Variants in ANO1 observed in about 807,000 individuals in gnomAD.
ANO1 encodes anoctamin-1.
Under a neutral mutation model 124.0 loss-of-function variants are expected in ANO1, and 59 were observed. That is an observed-to-expected ratio of 0.48 (90% confidence interval 0.39 to 0.59). The LOEUF is 0.59. ANO1 is among the 20% of genes least tolerant of loss of function. The pLI, the probability that ANO1 is intolerant of heterozygous loss-of-function variation, is 0.00. For missense variants in ANO1, 1,059 were observed against 1,328.0 expected, an observed-to-expected ratio of 0.80 and a Z score of 3.15; for synonymous variants, 529 against 532.0, an observed-to-expected ratio of 0.99 and a Z score of 0.08.
intron 12 of ANO1, among the ~76,000 whole-genome samples, chr11:70,150,157 C>T (rs1490741110): frequency 1.3e-5 from 2 of 152,186 alleles, no homozygotes; most frequent in East Asian, 1.9e-4. Context: ...AGGAAATGGA[C>T]ACTGCCCATG....
upstream of ANO1, among the ~76,000 whole-genome samples, chr11:69,981,945 G>T (rs1855963351): frequency 6.6e-6 from 1 of 152,182 alleles, no homozygotes; most frequent in South Asian, 2.1e-4. Flanking sequence ...ACCATGTAAT[G>T]TATGATTCCA....
At chr11:70,158,534 G>A (rs978770610) in intron 16 of ANO1, among the ~76,000 whole-genome samples, 2 of 152,264 alleles carry the variant, frequency 1.3e-5, no homozygotes, top group African/African-American at 4.8e-5. Flanking sequence ...AGAGGTGGTG[G>A]CTGTGGTCAC....
At chr11:70,017,482 C>A (rs1386168370) in intron 1 of ANO1, among the ~76,000 whole-genome samples, 1 of 150,284 alleles carries the variant, frequency 6.7e-6, no homozygotes, top group Non-Finnish European at 1.5e-5. Flanking sequence ...TCCCTCCCTC[C>A]CTTCCTCCTT....
chr11:70,005,789 C>A (rs570020479), intron 1 of ANO1, among the ~76,000 whole-genome samples: 1 of 152,230 alleles, frequency 6.6e-6, no homozygotes, highest in East Asian at 1.9e-4. Context: ...TCTCGACCAC[C>A]AAAGCTGTGG....
chr11:70,118,258 C>T (rs952548010), intron 8 of ANO1, among the ~76,000 whole-genome samples: 35 of 151,254 alleles, frequency 2.3e-4, no homozygotes, highest in Admixed American at 2.3e-3. Flanking sequence ...CTCAGGATTG[C>T]TTGGCTGATG....
At chr11:70,158,853 T>A (rs1157689638) in intron 16 of ANO1, among the ~76,000 whole-genome samples, 1 of 9,234 alleles carries the variant, frequency 1.1e-4, no homozygotes, top group Non-Finnish European at 3.4e-4. Flanking sequence ...CGGTGGGGGC[T>A]GGGGGCTGGG....
chr11:70,081,892 A>G (rs2044212875), intron 1 of ANO1, among the ~76,000 whole-genome samples: 1 of 152,222 alleles, frequency 6.6e-6, no homozygotes, highest in Admixed American at 6.5e-5. Flanking sequence ...ATGTGGCCTC[A>G]GGGAAGTATT....
chr11:70,144,565 G>A (rs946718056), intron 11 of ANO1, among the ~76,000 whole-genome samples: 3 of 152,208 alleles, frequency 2.0e-5, no homozygotes, highest in Non-Finnish European at 4.4e-5. Context: ...TGAGGAGTTT[G>A]TGTGACTCTG....
chr11:70,171,336 T>A (rs532583715), intron 22 of ANO1, among the ~76,000 whole-genome samples: 1 of 152,168 alleles, frequency 6.6e-6, no homozygotes, highest in South Asian at 2.1e-4. Flanking sequence ...TACAAGAGAC[T>A]ACATTTCCTC....
intron 1 of ANO1, among the ~76,000 whole-genome samples, chr11:70,029,625 G>A (rs781828919): frequency 3.3e-5 from 5 of 152,234 alleles, no homozygotes; most frequent in Non-Finnish European, 7.3e-5. Flanking sequence ...TGCTCTGGAG[G>A]GACAGTGTGT....
chr11:70,153,851 C>T (rs1304445264), intron 14 of ANO1, among the ~76,000 whole-genome samples: 1 of 152,032 alleles, frequency 6.6e-6, no homozygotes, highest in African/African-American at 2.4e-5. Flanking sequence ...CTGCAACCCC[C>T]GCCTCCCGGG....
At chr11:70,106,559 C>G (rs1325213870) in intron 5 of ANO1, among the ~76,000 whole-genome samples, 1 of 152,104 alleles carries the variant, frequency 6.6e-6, no homozygotes, top group Non-Finnish European at 1.5e-5. Flanking sequence ...CGTACCAGCA[C>G]GGGGGGTTCT....
At chr11:70,031,118 C>T (rs782062519) in intron 1 of ANO1, among the ~76,000 whole-genome samples, 4 of 151,962 alleles carry the variant, frequency 2.6e-5, no homozygotes, top group Admixed American at 1.3e-4. Context: ...CTAATTTTTG[C>T]GTTTTTCGTA....
At chr11:69,977,386 C>A in the ANO1 span, among the ~76,000 whole-genome samples, 1 of 152,224 alleles carries the variant, frequency 6.6e-6, no homozygotes, top group Non-Finnish European at 1.5e-5. Flanking sequence ...CCACCCACAA[C>A]CCCAAGCTCC....
At chr11:69,982,849 G>A (rs1043297656), upstream of ANO1, among the ~76,000 whole-genome samples, 1 of 152,194 alleles carries the variant, frequency 6.6e-6, no homozygotes, top group Admixed American at 6.5e-5. Flanking sequence ...AAAGAGCCAA[G>A]CCGAACTGAA....
At chr11:70,037,417 C>G (rs1857113380) in intron 1 of ANO1, among the ~76,000 whole-genome samples, 1 of 151,922 alleles carries the variant, frequency 6.6e-6, no homozygotes, top group Non-Finnish European at 1.5e-5. Flanking sequence ...TATGGAGGAC[C>G]AAGCTCACCT....
chr11:70,146,429 C>A (rs781140913), intron 11 of ANO1, among the ~76,000 whole-genome samples: 2 of 151,984 alleles, frequency 1.3e-5, no homozygotes, highest in African/African-American at 4.8e-5. Flanking sequence ...GCAGAGAGGG[C>A]GAGCCGGAGC....
intron 1 of ANO1, among the ~76,000 whole-genome samples, chr11:69,999,601 G>C (rs945808113): frequency 6.6e-6 from 1 of 152,130 alleles, no homozygotes; most frequent in South Asian, 2.1e-4. Context: ...TTGGCTTTAC[G>C]CACCATCTGG....
At position 70,025,975 on chromosome 11, in the gene ANO1, C is replaced by T. The variant is rs1158151555; in HGVS notation, c.58+39809C>T. On this transcript the variant is annotated intron_variant, in intron 1 of 27. Coordinates refer to the ANO1 transcript ENST00000531349. ...ATGACAGTGATGATGATGATGGTGA[C>T]GATGGTGGTAGTGGTGGTGATGATG... Among the ~76,000 whole-genome samples the T allele has an allele frequency of 3.7e-3, 165 of 44,084 alleles. 1 individual carries two copies. The highest frequency in any genetic ancestry group is 0.011 in the African/African-American group (114 of 10,464). The allele number at this position is 44,084 out of a possible 152,430, so 28.9% of individuals were successfully genotyped here. A position where few individuals can be genotyped will look rare whatever the true frequency, so the allele number is the denominator to read the frequency against.
Sources: gnomAD v4.1 joint callset for allele counts (sites outside exome capture counted in the v4.1 genomes callset) on GRCh38, gnomAD v4.1.1 for gene constraint, MANE v1.5 for transcripts, NCBI Gene and HGNC (gene_info 2026-07-23, HGNC 2026-07-21) for gene names.